Variants in EXOC2 observed in about 807,000 individuals in gnomAD.
EXOC2 encodes the protein exocyst complex component 2.
Under a neutral mutation model 131.8 loss-of-function variants are expected in EXOC2, and 70 were observed. The observed-to-expected ratio is 0.53, with a 90% CI of 0.44 to 0.65. The LOEUF is 0.65. Ranked by LOEUF, EXOC2 falls within the 30% of genes least tolerant of loss-of-function variation. EXOC2 has a pLI of 0.00. For missense variants in EXOC2, 923 were observed against 1,108.6 expected (o/e 0.83, Z 2.38); for synonymous variants, 411 against 398.4 (o/e 1.03, Z -0.38).
chr6:486,480 A>G lies in EXOC2; in HGVS notation c.*191T>C, dbSNP rs15806. ...CTGATCTAGTAAGAATGGCAAAACA[A>G]ATACTTCCTGGGCATTTCAAATGAG... On this transcript the variant is annotated 3_prime_UTR_variant, in exon 28 of 28. Transcript: ENST00000230449. 3.6e-6 allele frequency: 2 copies of G among 548,332 alleles called. No individual in the cohort carries two copies. The highest frequency in any genetic ancestry group is 6.5e-6 in the Non-Finnish European group (2 of 307,388). 34.0% of individuals were successfully genotyped at this position (548,332 alleles called of 1,614,324 possible). A position where few individuals can be genotyped will look rare whatever the true frequency, so the allele number is the denominator to read the frequency against.
intron 13 of EXOC2, among the ~76,000 whole-genome samples, chr6:567,294 G>A (rs532449493): frequency 1.4e-4 from 21 of 152,112 alleles, no homozygotes; most frequent in African/African-American, 4.1e-4. Context: ...CGTCCTTCTC[G>A]CTGCCTGGGG....
At chr6:686,194 C>T (rs1157018537) in intron 1 of EXOC2, among the ~76,000 whole-genome samples, 2 of 151,852 alleles carry the variant, frequency 1.3e-5, no homozygotes, top group African/African-American at 4.8e-5. Flanking sequence ...AAACTCCTGA[C>T]CTCATGATTC....
intron 7 of EXOC2, among the ~76,000 whole-genome samples, chr6:603,404 C>T (rs1445243438): frequency 6.7e-6 from 1 of 149,312 alleles, no homozygotes; most frequent in Non-Finnish European, 1.5e-5. Flanking sequence ...GTACTGAAAG[C>T]CTGTTTCACA....
At chr6:549,042 C>T (rs545017049) in intron 22 of EXOC2, 133 bp downstream of exon 22, 9 of 714,206 alleles carry the variant, frequency 1.3e-5, no homozygotes, top group Admixed American at 2.0e-5. Context: ...AGGGTGAAGG[C>T]GGGGAAGCAG....
rs75894285 is a variant in EXOC2, at chr6:615,186, T to G, written c.661+2525A>C. Among the ~76,000 whole-genome samples, 423 of 135,912 alleles carry G rather than the reference T, an allele frequency of 3.1e-3. 7 individuals are homozygous for G. Among genetic ancestry groups the G allele is most frequent in the Non-Finnish European group, 1.9e-3 (121 of 62,918 alleles). The allele number at this position is 135,912 out of a possible 152,430, so 89.2% of individuals were successfully genotyped here. A position where few individuals can be genotyped will look rare whatever the true frequency, so the allele number is the denominator to read the frequency against. Reference sequence around the variant, plus strand: ...TGAAAAGTATATGTGGGTGTGGGTGTGTGTGTGTGTGTGTGTGTGTGTGTA... The same window carrying G: ...TGAAAAGTATATGTGGGTGTGGGTGGGTGTGTGTGTGTGTGTGTGTGTGTA... On this transcript the variant is annotated intron_variant, in intron 6 of 27. Coordinates refer to ENST00000230449, the MANE Select transcript of EXOC2 (RefSeq NM_018303.6).
chr6:653,742 A>G (rs1361857976), intron 1 of EXOC2, among the ~76,000 whole-genome samples: 1 of 152,228 alleles, frequency 6.6e-6, no homozygotes, highest in Non-Finnish European at 1.5e-5. Context: ...GCTACACTCA[A>G]CGACACATTT....
chr6:532,417 C>A, intron 23 of EXOC2, 52 bp downstream of exon 23: 1 of 1,402,438 alleles, frequency 7.1e-7, no homozygotes, highest in East Asian at 2.6e-5. Context: ...AAGCAAGTAT[C>A]AATTGATAAA....
intron 25 of EXOC2, among the ~76,000 whole-genome samples, chr6:493,659 G>A (rs1763561298): frequency 6.6e-6 from 1 of 152,140 alleles, no homozygotes; most frequent in Admixed American, 6.5e-5. Context: ...GCACCTAATT[G>A]CCTATCAAAG....
At chr6:686,891 C>T (rs1241673098) in intron 1 of EXOC2, among the ~76,000 whole-genome samples, 1 of 152,050 alleles carries the variant, frequency 6.6e-6, no homozygotes, top group Non-Finnish European at 1.5e-5. Context: ...CCATCCACCC[C>T]CAACAAATAA....
At chr6:515,799 C>T (rs1765129767) in intron 23 of EXOC2, among the ~76,000 whole-genome samples, 1 of 152,122 alleles carries the variant, frequency 6.6e-6, no homozygotes, top group South Asian at 2.1e-4. Flanking sequence ...CGATTTCCAA[C>T]AACAAAGGAG....
intron 10 of EXOC2, among the ~76,000 whole-genome samples, chr6:594,950 A>C (rs1561902628): frequency 6.6e-6 from 1 of 152,228 alleles, no homozygotes; most frequent in Non-Finnish European, 1.5e-5. Flanking sequence ...TTTTAGATTC[A>C]AAAGCAATGT....
chr6:687,289 T>G (rs199746163), intron 1 of EXOC2, among the ~76,000 whole-genome samples: 1 of 143,774 alleles, frequency 7.0e-6, no homozygotes, highest in East Asian at 2.2e-4. Flanking sequence ...CAAGTGATCC[T>G]CCCACTTCAG....
chr6:657,634 G>A (rs888984442), intron 1 of EXOC2, among the ~76,000 whole-genome samples: 6 of 152,046 alleles, frequency 3.9e-5, no homozygotes, highest in African/African-American at 1.4e-4. Context: ...GTGAAGTGCT[G>A]GTCAATGAAT....
At chr6:515,729 G>T (rs1268494241) in intron 23 of EXOC2, among the ~76,000 whole-genome samples, 1 of 150,324 alleles carries the variant, frequency 6.7e-6, no homozygotes, top group Admixed American at 6.6e-5. Flanking sequence ...AAGGAGAGAC[G>T]CACACAGCTG....
At chr6:569,739 T>C (rs903688317) in intron 13 of EXOC2, among the ~76,000 whole-genome samples, 4 of 152,208 alleles carry the variant, frequency 2.6e-5, no homozygotes, top group African/African-American at 9.6e-5. Flanking sequence ...AATTAGTAAT[T>C]ATTGCTATAA....
intron 1 of EXOC2, chr6:669,260 T>C (rs1354292946): frequency 2.6e-5 from 4 of 152,302 alleles, no homozygotes; most frequent in African/African-American, 9.6e-5. Context: ...TGGATGAAGA[T>C]AAGGAACCTC....
intron 1 of EXOC2, chr6:655,808 T>C (rs953139951): frequency 1.6e-5 from 4 of 248,196 alleles, no homozygotes; most frequent in Admixed American, 5.0e-5. Flanking sequence ...TGTTTCAGGA[T>C]TCAAAAATAC....
chr6:563,063 T>C (rs80293892), intron 16 of EXOC2, among the ~76,000 whole-genome samples: 2,975 of 152,336 alleles, frequency 0.02, 74 homozygotes, highest in African/African-American at 0.052. Flanking sequence ...AATAAAAGTT[T>C]TTACTGTATA....
intron 1 of EXOC2, among the ~76,000 whole-genome samples, chr6:658,302 G>A (rs747700127): frequency 6.6e-6 from 1 of 151,890 alleles, no homozygotes; most frequent in Non-Finnish European, 1.5e-5. Context: ...TTTCAATATC[G>A]AATAGGACAA....
Sources: allele counts gnomAD v4.1 joint callset (sites outside exome capture counted in the v4.1 genomes callset), GRCh38; gene constraint gnomAD v4.1.1; transcripts MANE v1.5; gene names NCBI Gene and HGNC (gene_info 2026-07-23, HGNC 2026-07-21).